PBX1: variants seen among roughly 807,000 people sequenced by gnomAD.
PBX1 encodes the protein pre-B-cell leukemia transcription factor 1.
PBX1 carries 6 observed loss-of-function variants against 53.4 expected under a neutral mutation model. That is an observed-to-expected ratio of 0.11 (90% CI 0.06 to 0.22). The LOEUF is 0.22. PBX1 is among the 10% of genes least tolerant of loss of function. PBX1 has a pLI of 1.00. For synonymous variants in PBX1, 204 were observed against 212.3 expected, an observed-to-expected ratio of 0.96 and a Z score of 0.34; for missense variants, 251 against 551.4, an observed-to-expected ratio of 0.46 and a Z score of 5.46.
At chr1:164,786,407 G>A (rs887693384) in intron 2 of PBX1, among the ~76,000 whole-genome samples, 2 of 152,030 alleles carry the variant, frequency 1.3e-5, no homozygotes, top group Non-Finnish European at 1.5e-5. Flanking sequence ...GGCTCTTCTC[G>A]TCAGGGCAGA....
chr1:164,763,667 G>T (rs1222308099), intron 2 of PBX1, among the ~76,000 whole-genome samples: 1 of 152,208 alleles, frequency 6.6e-6, no homozygotes, highest in Admixed American at 6.5e-5. Flanking sequence ...TTATACTAGA[G>T]AATCTGGCTG....
At chr1:164,565,805 TG>T (rs981335007) in intron 2 of PBX1, among the ~76,000 whole-genome samples, 3 of 151,912 alleles carry the variant, frequency 2.0e-5, no homozygotes, top group African/African-American at 7.3e-5. Flanking sequence ...AAACATCGCT[TG>T]AGTGATCAGT....
intron 2 of PBX1, among the ~76,000 whole-genome samples, chr1:164,755,726 T>C (rs975358172): frequency 7.2e-5 from 11 of 152,060 alleles, no homozygotes; most frequent in Admixed American, 3.3e-4. Flanking sequence ...TTTGCAGAGA[T>C]GGATGAGACT....
chr1:164,884,451 A>G (rs774052792), intron 2 of PBX1: 1 of 388,782 alleles, frequency 2.6e-6, no homozygotes, highest in Non-Finnish European at 5.1e-6. Context: ...AAATCGGTCA[A>G]TTTGACTCTT....
intron 2 of PBX1, chr1:164,770,386 G>T (rs541683381): frequency 6.6e-6 from 1 of 152,202 alleles, no homozygotes; most frequent in Admixed American, 6.5e-5. Flanking sequence ...TTCATAATCA[G>T]TGTCACCTTC....
intron 2 of PBX1, among the ~76,000 whole-genome samples, chr1:164,759,636 A>G (rs964681914): frequency 1.3e-5 from 2 of 152,226 alleles, no homozygotes; most frequent in African/African-American, 4.8e-5. Context: ...ATTTGGGGCC[A>G]ACCAGCCTTG....
At chr1:164,621,302 A>G (rs1657661778) in intron 2 of PBX1, among the ~76,000 whole-genome samples, 1 of 152,116 alleles carries the variant, frequency 6.6e-6, no homozygotes, top group Non-Finnish European at 1.5e-5. Flanking sequence ...TATTTTCTTA[A>G]CAGTCTTCCT....
intron 2 of PBX1, among the ~76,000 whole-genome samples, chr1:164,611,303 T>C (rs1186149951): frequency 6.6e-6 from 1 of 152,302 alleles, no homozygotes; most frequent in African/African-American, 2.4e-5. Context: ...AGTGGCGCAA[T>C]CTCGGCTCAC....
intron 2 of PBX1, among the ~76,000 whole-genome samples, chr1:164,866,670 T>C (rs1280312400): frequency 6.6e-6 from 1 of 152,238 alleles, no homozygotes; most frequent in East Asian, 1.9e-4. Context: ...ACTTAGATGC[T>C]AATTCACAAC....
At chr1:164,659,668 GTTCCC>G (rs1320911802) in intron 2 of PBX1, among the ~76,000 whole-genome samples, 2 of 152,162 alleles carry the variant, frequency 1.3e-5, no homozygotes, top group African/African-American at 4.8e-5. Context: ...ATCCTCCCTT[GTTCCC>G]TCTCCCTGGC....
At chr1:164,648,645 C>G (rs1659605957) in intron 2 of PBX1, among the ~76,000 whole-genome samples, 1 of 152,084 alleles carries the variant, frequency 6.6e-6, no homozygotes, top group Non-Finnish European at 1.5e-5. Flanking sequence ...CTAAGCTACC[C>G]CACTCTTTCT....
intron 2 of PBX1, among the ~76,000 whole-genome samples, chr1:164,724,727 C>G (rs1052236538): frequency 9.8e-6 from 1 of 101,540 alleles, no homozygotes; most frequent in African/African-American, 3.7e-5. Flanking sequence ...ATTCTAGTAG[C>G]AACAAAATGA....
intron 2 of PBX1, among the ~76,000 whole-genome samples, chr1:164,589,240 A>C (rs1655186347): frequency 6.6e-6 from 1 of 152,032 alleles, no homozygotes; most frequent in South Asian, 2.1e-4. Flanking sequence ...CGCGGCTGAG[A>C]AAGGATTTTT....
intron 2 of PBX1, among the ~76,000 whole-genome samples, chr1:164,667,371 A>G (rs1483825355): frequency 3.3e-5 from 5 of 149,484 alleles, no homozygotes; most frequent in Non-Finnish European, 7.4e-5. Flanking sequence ...TCTATATAAT[A>G]TAATGTATAT....
Position 164,792,849 on chromosome 1 carries a change from T to TC in PBX1, c.510+114dup, listed in dbSNP as rs1464408169. ...GGCTCACCTTTCCCAGGTGCTGGCA[T>TC]CCCTGTGCCCGGCATCCCCTGCCCA... On this transcript the variant is annotated intron_variant, in intron 3 of 8. Coordinates refer to ENST00000420696, the MANE Select transcript of PBX1 (RefSeq NM_002585.4). The TC allele has an allele frequency of 3.7e-6, 3 of 820,920 alleles. No individual in the cohort carries two copies. In the African/African-American group the frequency reaches 5.2e-5, roughly 14 times the overall value. 50.9% of individuals were successfully genotyped at this position (820,920 alleles called of 1,614,324 possible). A position where few individuals can be genotyped will look rare whatever the true frequency, so the allele number is the denominator to read the frequency against.
At chr1:164,646,079 CAA>C (rs974691905) in intron 2 of PBX1, among the ~76,000 whole-genome samples, 3 of 152,154 alleles carry the variant, frequency 2.0e-5, no homozygotes, top group African/African-American at 7.2e-5. Context: ...ATGCATAACA[CAA>C]GATGCGAATC....
chr1:164,865,252 T>C (rs1672190128), intron 2 of PBX1, among the ~76,000 whole-genome samples: 1 of 152,186 alleles, frequency 6.6e-6, no homozygotes, highest in Non-Finnish European at 1.5e-5. Context: ...TAAATGTGTG[T>C]TGAATGAATG....
intron 2 of PBX1, among the ~76,000 whole-genome samples, chr1:164,586,302 G>C (rs1304229375): frequency 1.3e-5 from 2 of 152,220 alleles, no homozygotes; most frequent in Admixed American, 1.3e-4. Context: ...CATGGTAAAC[G>C]TGCTGAAGTT....
At chr1:164,607,731 A>T (rs1489400253) in intron 2 of PBX1, among the ~76,000 whole-genome samples, 1 of 152,146 alleles carries the variant, frequency 6.6e-6, no homozygotes, top group Non-Finnish European at 1.5e-5. Context: ...AACCCTGAGA[A>T]GGCCAAATAT....
Sources: allele counts gnomAD v4.1 joint callset (sites outside exome capture counted in the v4.1 genomes callset), GRCh38; gene constraint gnomAD v4.1.1; transcripts MANE v1.5; gene names NCBI Gene and HGNC (gene_info 2026-07-23, HGNC 2026-07-21).